Variants in DIAPH2 observed in about 807,000 individuals in gnomAD.
DIAPH2 encodes diaphanous related formin 2.
DIAPH2 carries 35 observed loss-of-function variants against 92.7 expected under a neutral mutation model. That is an observed-to-expected ratio of 0.38 (90% CI 0.29 to 0.50). The LOEUF (loss-of-function observed/expected upper bound fraction) is 0.50. Ranked by LOEUF, DIAPH2 falls within the 20% of genes least tolerant of loss-of-function variation. The probability of loss-of-function intolerance (pLI) is 0.94; values close to 1 mark genes in which losing one functional copy is unlikely to be tolerated. For missense variants in DIAPH2, 701 were observed against 819.5 expected (o/e 0.86, Z 1.77); for synonymous variants, 301 against 280.4 (o/e 1.07, Z -0.73).
At chrX:97,484,591 T>C (rs1366248672) in intron 26 of DIAPH2, among the ~76,000 whole-genome samples, 1 of 112,358 alleles carries the variant, frequency 8.9e-6, no homozygotes, top group Admixed American at 9.4e-5. Flanking sequence ...TTTCCATGTC[T>C]CAAGGATGTA....
At chrX:97,298,934 A>G (rs1022636826) in intron 23 of DIAPH2, among the ~76,000 whole-genome samples, 6 of 111,233 alleles carry the variant, frequency 5.4e-5, no homozygotes, top group Non-Finnish European at 1.1e-4. Flanking sequence ...TCCTTTTCTT[A>G]CCTGTGTGAG....
intron 17 of DIAPH2, among the ~76,000 whole-genome samples, chrX:97,070,320 C>CT (rs1292494177): frequency 9.0e-6 from 1 of 111,370 alleles, no homozygotes; most frequent in Non-Finnish European, 1.9e-5. Context: ...CTTAAAAAAA[C>CT]TTTTTAGTTT....
chrX:97,593,910 AC>A (rs1428390168), intron 26 of DIAPH2, among the ~76,000 whole-genome samples: 5 of 111,651 alleles, frequency 4.5e-5, no homozygotes, highest in Non-Finnish European at 9.4e-5. Context: ...CAATTTTTTC[AC>A]TTTTTATATT....
chrX:96,901,567 G>A (rs1190466810), intron 5 of DIAPH2, among the ~76,000 whole-genome samples: 1 of 76,022 alleles, frequency 1.3e-5, no homozygotes, highest in Non-Finnish European at 2.4e-5. Context: ...TTTGAGACAA[G>A]GGCACCCAGG....
rs754576443 is a variant in DIAPH2 at position 96,776,828 on chromosome X, A to C, written c.447+18570A>C. On this transcript the variant is annotated intron_variant, in intron 4 of 26. Coordinates refer to ENST00000324765, the MANE Select transcript of DIAPH2 (RefSeq NM_006729.5). Reference sequence around the variant, plus strand: ...AGTTTGCTATTCTCATTATAAGAAGAGTTCAATACATTTTAGAAAATGTGA... The same window carrying C: ...AGTTTGCTATTCTCATTATAAGAAGCGTTCAATACATTTTAGAAAATGTGA... Among the ~76,000 whole-genome samples, 16 of 111,802 alleles carry C rather than the reference A, an allele frequency of 1.4e-4. No homozygotes were observed. The Admixed American group carries it at 1.4e-3, about 10-fold the overall frequency.
At chrX:97,202,983 G>A (rs902460827) in intron 22 of DIAPH2, among the ~76,000 whole-genome samples, 1 of 112,193 alleles carries the variant, frequency 8.9e-6, no homozygotes, top group Non-Finnish European at 1.9e-5. Flanking sequence ...TCAGACCACA[G>A]TGCAATCAAA....
At chrX:97,515,898 A>G (rs2070943052) in intron 26 of DIAPH2, among the ~76,000 whole-genome samples, 1 of 111,348 alleles carries the variant, frequency 9.0e-6, no homozygotes, top group South Asian at 3.9e-4. Context: ...CTCACTCTGA[A>G]AAGCTGGTAG....
rs369397399 is a variant in DIAPH2 at position 96,967,564 on chromosome X, C to T, written c.2050+2357C>T. Reference sequence around the variant, plus strand: ...CTTCCCGAGTATCTGGGATTACAGGCGCCCACCACCCTTAGCTAATTTTTG... The same window carrying T: ...CTTCCCGAGTATCTGGGATTACAGGTGCCCACCACCCTTAGCTAATTTTTG... On this transcript the variant is annotated intron_variant, in intron 17 of 26. Coordinates refer to ENST00000324765, the MANE Select transcript of DIAPH2 (RefSeq NM_006729.5). 4.8e-4 allele frequency among the ~76,000 whole-genome samples: 53 copies of T among 109,314 alleles called. No homozygotes were observed. The East Asian group carries it at 5.5e-3, about 11-fold the overall frequency. 94.9% of individuals were successfully genotyped at this position (109,314 alleles called of 115,157 possible). A position where few individuals can be genotyped will look rare whatever the true frequency, so the allele number is the denominator to read the frequency against.
intron 1 of DIAPH2, among the ~76,000 whole-genome samples, chrX:96,728,198 T>G (rs2147558268): frequency 9.0e-6 from 1 of 110,812 alleles, no homozygotes; most frequent in Non-Finnish European, 1.9e-5. Context: ...GTTATTTTTG[T>G]TTTTATATGG....
At chrX:96,700,053 G>A (rs935430148) in intron 1 of DIAPH2, among the ~76,000 whole-genome samples, 4 of 111,772 alleles carry the variant, frequency 3.6e-5, no homozygotes, top group African/African-American at 1.3e-4. Context: ...CTACTGCCCA[G>A]GCTAGAGTGC....
intron 4 of DIAPH2, among the ~76,000 whole-genome samples, chrX:96,807,649 C>G (rs2064638064): frequency 9.1e-6 from 1 of 109,551 alleles, no homozygotes; most frequent in African/African-American, 3.3e-5. Flanking sequence ...CTTATGGCCT[C>G]CTGATTAATT....
intron 25 of DIAPH2, among the ~76,000 whole-genome samples, chrX:97,420,425 T>G (rs1773159271): frequency 8.9e-6 from 1 of 111,822 alleles, no homozygotes; most frequent in African/African-American, 3.2e-5. Flanking sequence ...TTATGACCCC[T>G]AATACAGTAT....
At chrX:96,955,396 G>A (rs1042101405) in intron 15 of DIAPH2, among the ~76,000 whole-genome samples, 20 of 111,711 alleles carry the variant, frequency 1.8e-4, no homozygotes, top group Admixed American at 5.7e-4. Context: ...TTTAGATGGC[G>A]ATGCAGAGCT....
chrX:97,041,144 C>G (rs1004177712), intron 17 of DIAPH2, among the ~76,000 whole-genome samples: 6 of 110,422 alleles, frequency 5.4e-5, no homozygotes, highest in Non-Finnish European at 9.5e-5. Context: ...ATATTTTTTC[C>G]TGTAACTATT....
At chrX:97,089,153 G>A (rs1447783139) in intron 19 of DIAPH2, among the ~76,000 whole-genome samples, 1 of 112,276 alleles carries the variant, frequency 8.9e-6, no homozygotes, top group East Asian at 2.8e-4. Flanking sequence ...AATCCATGAG[G>A]AAGATTTGAA....
At chrX:96,850,518 G>C (rs368164800) in intron 4 of DIAPH2, among the ~76,000 whole-genome samples, 1 of 111,901 alleles carries the variant, frequency 8.9e-6, no homozygotes, top group Non-Finnish European at 1.9e-5. Context: ...TTGATTCAAG[G>C]GTCCATTCTC....
chrX:97,052,964 G>T (rs745461508), intron 17 of DIAPH2, among the ~76,000 whole-genome samples: 1 of 110,975 alleles, frequency 9.0e-6, no homozygotes, highest in East Asian at 2.8e-4. Flanking sequence ...GCTGGCTTTG[G>T]ACTAGGAAAT....
chrX:97,400,400 A>G (rs1037726478), intron 25 of DIAPH2, among the ~76,000 whole-genome samples: 1 of 111,781 alleles, frequency 8.9e-6, no homozygotes, highest in Non-Finnish European at 1.9e-5. Flanking sequence ...CAGCTCTCCT[A>G]AGGTATAATT....
At chrX:96,753,601 T>C (rs1217872375) in intron 3 of DIAPH2, among the ~76,000 whole-genome samples, 2 of 112,285 alleles carry the variant, frequency 1.8e-5, no homozygotes, top group Non-Finnish European at 3.8e-5. Context: ...AGTTCGACTC[T>C]TATCTCTAGT....
Sources: gnomAD v4.1 joint callset for allele counts (sites outside exome capture counted in the v4.1 genomes callset) on GRCh38, gnomAD v4.1.1 for gene constraint, MANE v1.5 for transcripts, NCBI Gene and HGNC (gene_info 2026-07-23, HGNC 2026-07-21) for gene names.